The following MEGF9 variants were observed in gnomAD, a reference collection of about 807,000 sequenced individuals.
MEGF9 encodes multiple EGF like domains 9.
A neutral mutation model predicts 46.8 loss-of-function variants in MEGF9; 6 were observed. That is an observed-to-expected ratio of 0.13 (90% CI 0.07 to 0.25). The LOEUF is 0.25. Ranked by LOEUF, MEGF9 falls within the 10% of genes least tolerant of loss-of-function variation. MEGF9 has a pLI of 1.00. For missense variants in MEGF9, 683 were observed against 792.4 expected, an observed-to-expected ratio of 0.86 and a Z score of 1.66; for synonymous variants, 302 against 330.7, an observed-to-expected ratio of 0.91 and a Z score of 0.94.
chr9:120,685,381 C>T (rs537666790), intron 1 of MEGF9, among the ~76,000 whole-genome samples: 1 of 152,318 alleles, frequency 6.6e-6, no homozygotes, highest in East Asian at 1.9e-4. Context: ...CTCGGATATT[C>T]TCAGAGACCA....
intron 2 of MEGF9, among the ~76,000 whole-genome samples, 185 bp from the exon 3 acceptor site, chr9:120,622,940 T>A (rs2043506649): frequency 1.3e-5 from 2 of 152,232 alleles, no homozygotes; most frequent in Admixed American, 6.5e-5. Flanking sequence ...GTCTAGTGTA[T>A]TGCATAATGC....
At chr9:120,705,697 C>T (rs533618981) in intron 1 of MEGF9, among the ~76,000 whole-genome samples, 12 of 151,638 alleles carry the variant, frequency 7.9e-5, no homozygotes, top group Middle Eastern at 3.4e-3. Context: ...TTTTAGTAAA[C>T]CTTTACTATG....
Position 120,711,830 on chromosome 9 carries a change from TATAC to T in MEGF9, c.601+1924_601+1927del, listed in dbSNP as rs1176946617. Among the ~76,000 whole-genome samples, 667 of 146,234 alleles carry T rather than the reference TATAC, an allele frequency of 4.6e-3. 2 individuals are homozygous for T. Among genetic ancestry groups the T allele is most frequent in the East Asian group, 0.018 (93 of 5,124 alleles). The stretch of plus-strand genomic sequence containing the variant: ...CCTACTAGTTTTCTCAAATGCTTTC[TATAC>T]ATACATACATACACACACACACACA... On this transcript the variant is annotated intron_variant, in intron 1 of 5. Coordinates refer to ENST00000373930, the MANE Select transcript of MEGF9 (RefSeq NM_001080497.3).
intron 1 of MEGF9, among the ~76,000 whole-genome samples, chr9:120,664,669 T>C (rs2043717140): frequency 6.6e-6 from 1 of 152,104 alleles, no homozygotes; most frequent in Admixed American, 6.5e-5. Context: ...TCAGAAAGAC[T>C]GCCTGAAATT....
At chr9:120,678,454 T>C (rs1489471578) in intron 1 of MEGF9, among the ~76,000 whole-genome samples, 2 of 151,070 alleles carry the variant, frequency 1.3e-5, no homozygotes, top group Admixed American at 1.3e-4. Context: ...CATTTATTAC[T>C]GTCTGACTTG....
chr9:120,701,029 G>A (rs1368656493), intron 1 of MEGF9, among the ~76,000 whole-genome samples: 1 of 151,668 alleles, frequency 6.6e-6, no homozygotes, highest in Non-Finnish European at 1.5e-5. Flanking sequence ...TGAGGTGAGT[G>A]GATCATTTGA....
chr9:120,655,110 AG>A (rs572840109), intron 2 of MEGF9, among the ~76,000 whole-genome samples: 266 of 152,344 alleles, frequency 1.7e-3, no homozygotes, highest in African/African-American at 6.1e-3. Context: ...AATTTAGTGT[AG>A]CCTAAGTGTG....
rs1161552861 is a variant in MEGF9, at chr9:120,604,499, T to C, written c.*691A>G. ...TCTCTAGAGGCAGGAATATTCCTTA[T>C]TTTTAGACAATTTATCATTTACACT... is the stretch of plus-strand genomic sequence containing the variant. On this transcript the variant is annotated 3_prime_UTR_variant, in exon 6 of 6. Transcript: ENST00000373930. 6.5e-6 allele frequency: 1 copy of C among 152,712 alleles called. No homozygotes were observed. The highest frequency in any genetic ancestry group is 2.4e-5 in the African/African-American group (1 of 41,446). 9.5% of individuals were successfully genotyped at this position (152,712 alleles called of 1,614,324 possible).
At chr9:120,651,699 C>A (rs1317764392) in intron 2 of MEGF9, among the ~76,000 whole-genome samples, 2 of 149,034 alleles carry the variant, frequency 1.3e-5, no homozygotes, top group Non-Finnish European at 3.0e-5. Context: ...GTGGCCCAGG[C>A]TGGAGTGCAA....
Position 120,608,598 on chromosome 9 carries a change from T to C in MEGF9, c.1088-588A>G, listed in dbSNP as rs527479567. Among the ~76,000 whole-genome samples, 16 of 152,320 alleles carry C rather than the reference T, an allele frequency of 1.1e-4. No individual in the cohort carries two copies. The South Asian group carries it at 3.3e-3, about 32-fold the overall frequency. On this transcript the variant is annotated intron_variant, in intron 4 of 5. Transcript: ENST00000373930. ...CATCAACAATTCCAATATGTGTATG[T>C]GTATCTCTAGTCTACATCTCTGTCC... is the stretch of plus-strand genomic sequence containing the variant.
At chr9:120,709,847 G>A (rs534839984) in intron 1 of MEGF9, among the ~76,000 whole-genome samples, 2 of 151,876 alleles carry the variant, frequency 1.3e-5, no homozygotes, top group South Asian at 2.1e-4. Flanking sequence ...TCAGAAGTTC[G>A]AGACCAGCCT....
At chr9:120,651,776 C>T (rs2043650801) in intron 2 of MEGF9, among the ~76,000 whole-genome samples, 1 of 151,560 alleles carries the variant, frequency 6.6e-6, no homozygotes, top group Non-Finnish European at 1.5e-5. Flanking sequence ...TCTCAGCCTC[C>T]TGTGTAGCTG....
At chr9:120,614,341 T>A (rs2043462059) in intron 3 of MEGF9, among the ~76,000 whole-genome samples, 1 of 152,198 alleles carries the variant, frequency 6.6e-6, no homozygotes, top group Non-Finnish European at 1.5e-5. Flanking sequence ...CTTCATAAAT[T>A]TATTGTGAAA....
rs1393104271 is a variant in MEGF9, at chr9:120,713,301, T to C, written c.601+457A>G. Among the ~76,000 whole-genome samples the C allele has an allele frequency of 3.3e-5, 5 of 152,188 alleles. No individual in the cohort carries two copies. In the South Asian group the frequency reaches 6.2e-4, roughly 19 times the overall value. On this transcript the variant is annotated intron_variant, in intron 1 of 5. Coordinates refer to ENST00000373930, the MANE Select transcript of MEGF9 (RefSeq NM_001080497.3). ...ACCTGTCATACACACACATCTGATA[T>C]TTACATAAACAAGAAGAAATGAACA...
At chr9:120,643,225 T>TG (rs1191580492) in intron 2 of MEGF9, among the ~76,000 whole-genome samples, 1 of 148,830 alleles carries the variant, frequency 6.7e-6, no homozygotes, top group Non-Finnish European at 1.5e-5. Flanking sequence ...TTTCTTGCTA[T>TG]GAAAAAAAAA....
chr9:120,694,377 G>A (rs2043865352), intron 1 of MEGF9, among the ~76,000 whole-genome samples: 1 of 152,186 alleles, frequency 6.6e-6, no homozygotes, highest in South Asian at 2.1e-4. Flanking sequence ...AGGTAATGAA[G>A]AATTTAAAAG....
intron 1 of MEGF9, among the ~76,000 whole-genome samples, chr9:120,701,127 G>GA (rs201333674): frequency 0.019 from 2,059 of 110,746 alleles, 42 homozygotes; most frequent in African/African-American, 0.057. Flanking sequence ...TCAAAAAAAA[G>GA]AAAAAAAAAA....
Position 120,713,883 on chromosome 9 carries a change from G to T in MEGF9, c.476C>A (p.Pro159His), listed in dbSNP as rs774733104. ...STTTGPAPTT[P>H]VATTVPAPTT... ...GGGCGCCGGTACGGTGGTCGCTACA[G>T]GGGTGGTCGGCGCCGGGCCAGTGGT... The change falls in exon 1 of 6, where the codon CCT becomes CAT. Residue 159 changes from proline to histidine, a missense_variant. Pro to His is a moderately conservative substitution (Grantham distance 77). This residue lies in a region of MEGF9 where 370 missense variants were observed against 371.3 expected (regional missense o/e 1.00). Transcript: ENST00000373930. The T allele has an allele frequency of 6.8e-6, 9 of 1,320,912 alleles. No homozygotes were observed. Among genetic ancestry groups the T allele is most frequent in the Non-Finnish European group, 6.8e-6 (7 of 1,031,612 alleles). The allele number at this position is 1,320,912 out of a possible 1,614,324, so 81.8% of individuals were successfully genotyped here.
chr9:120,683,957 TC>T (rs1034487383), intron 1 of MEGF9, among the ~76,000 whole-genome samples: 1 of 151,212 alleles, frequency 6.6e-6, no homozygotes, highest in Non-Finnish European at 1.5e-5. Context: ...TAAAATAAAA[TC>T]CAGGTATAAA....
Sources: allele counts gnomAD v4.1 joint callset (sites outside exome capture counted in the v4.1 genomes callset), GRCh38; gene constraint gnomAD v4.1.1; regional missense constraint gnomAD v4.1.1; transcripts MANE v1.5; gene names NCBI Gene and HGNC (gene_info 2026-07-23, HGNC 2026-07-21).